ARAP1: variants seen among roughly 807,000 people sequenced by gnomAD.
The protein encoded by ARAP1 is arf-GAP with Rho-GAP domain, ANK repeat and PH domain-containing protein 1.
Under a neutral mutation model 172.2 loss-of-function variants are expected in ARAP1, and 76 were observed. The observed-to-expected ratio is 0.44, with a 90% confidence interval of 0.37 to 0.53. The LOEUF (loss-of-function observed/expected upper bound fraction) is 0.53, where lower values mean the gene tolerates loss of function less well. Ranked by LOEUF, ARAP1 falls within the 20% of genes least tolerant of loss-of-function variation. The pLI is 0.00. For missense variants in ARAP1, 1,686 were observed against 1,977.5 expected (o/e 0.85, Z 2.80); for synonymous variants, 804 against 803.3 (o/e 1.00, Z -0.01).
intron 18 of ARAP1, 38 bp from the exon 19 acceptor site, chr11:72,698,144 C>T (rs12575364): frequency 0.26 from 401,573 of 1,537,696 alleles, 53,507 homozygotes; most frequent in South Asian, 0.29. Context: ...CATCAGCCAA[C>T]GGCACTGCCT....
chr11:72,727,228 T>C (rs1857719643), intron 2 of ARAP1, 56 bp from the exon 3 acceptor site: 2 of 1,387,800 alleles, frequency 1.4e-6, no homozygotes, highest in Non-Finnish European at 1.9e-6. Context: ...ATTGGTCCCC[T>C]CACCAGCAGC....
intron 30 of ARAP1, among the ~76,000 whole-genome samples, chr11:72,691,534 G>C (rs1005508379): frequency 3.3e-5 from 5 of 152,240 alleles, no homozygotes; most frequent in Admixed American, 3.3e-4. Flanking sequence ...GGAGAGAAGA[G>C]ACGGTGTTTC....
chr11:72,713,120 C>A lies in ARAP1; in HGVS notation c.747+56G>T, dbSNP rs951329247. 7.0e-6 allele frequency: 11 copies of A among 1,569,558 alleles called. No homozygotes were observed. In the African/African-American group the frequency reaches 1.2e-4, roughly 17 times the overall value. On this transcript the variant is annotated intron_variant, in intron 5 of 34. Transcript: ENST00000393609. ...CTGGTAGTCCTCAGGGTCTGACAGG[C>A]AGCTGGGCACCCCCACAACACCCTG... is the stretch of plus-strand genomic sequence containing the variant.
Position 72,699,605 on chromosome 11 carries a change from A to G in ARAP1, c.2303-53T>C, listed in dbSNP as rs1856383363. 5.7e-6 allele frequency: 9 copies of G among 1,578,658 alleles called. No homozygotes were observed. Among genetic ancestry groups the G allele is most frequent in the Non-Finnish European group, 7.7e-6 (9 of 1,163,154 alleles). Reference sequence around the variant, plus strand: ...TCAGGGAGCCCCCCACCACCTGAAAACCACCTCTGCATCCTCCCGGGGCTC... The same window carrying G: ...TCAGGGAGCCCCCCACCACCTGAAAGCCACCTCTGCATCCTCCCGGGGCTC... On this transcript the variant is annotated intron_variant, in intron 16 of 34. Transcript: ENST00000393609. The surrounding 1 kb of genome is among the most constrained non-coding windows in gnomAD (Gnocchi z 4.2).
At chr11:72,744,297 A>C (rs1172396750) in intron 1 of ARAP1, among the ~76,000 whole-genome samples, 1 of 152,128 alleles carries the variant, frequency 6.6e-6, no homozygotes, top group African/African-American at 2.4e-5. Context: ...GACTGAACGA[A>C]CATTTCCCAA....
rs1855671752 is a variant in ARAP1, at chr11:72,686,105, G to A, written c.4272C>T (p.Pro1424=). 1 of 1,614,078 alleles carries A rather than the reference G, an allele frequency of 6.2e-7. No homozygotes were observed. The highest frequency in any genetic ancestry group is 8.5e-7 in the Non-Finnish European group (1 of 1,180,034). ...EVRLGSVSLI[P]LRGSENEMRR... ...GCATTTCATTTTCACTACCTCGAAG[G>A]GGGATCAGTGACACACTACCCAGCC... Residue 1424 remains proline, a synonymous_variant, in exon 34 of 35, where the codon CCC becomes CCT. Coordinates refer to ENST00000393609, the MANE Select transcript of ARAP1 (RefSeq NM_001040118.3).
At chr11:72,747,653 T>C (rs1858408395) in intron 1 of ARAP1, among the ~76,000 whole-genome samples, 1 of 152,218 alleles carries the variant, frequency 6.6e-6, no homozygotes, top group Non-Finnish European at 1.5e-5. Flanking sequence ...CACCACCTTC[T>C]ACTGGCCTTA....
chr11:72,685,727 G>A, intron 34 of ARAP1, 46 bp from the exon 35 acceptor site: 2 of 1,613,222 alleles, frequency 1.2e-6, no homozygotes, highest in Non-Finnish European at 1.7e-6. Context: ...AAGGCCCAGA[G>A]GGGCTGGCGC....
At chr11:72,740,806 C>CTCG (rs1196290789) in intron 1 of ARAP1, among the ~76,000 whole-genome samples, 1 of 152,178 alleles carries the variant, frequency 6.6e-6, no homozygotes, top group Non-Finnish European at 1.5e-5. Flanking sequence ...CATTAATAAA[C>CTCG]TCGAGACGCC....
Position 72,710,089 on chromosome 11 carries a change from G to A in ARAP1, c.1417-113C>T, listed in dbSNP as rs1856944637. 1.0e-6 allele frequency: 1 copy of A among 985,516 alleles called. No individual in the cohort carries two copies. The highest frequency in any genetic ancestry group is 1.9e-5 in the Admixed American group (1 of 52,962). 61.0% of individuals were successfully genotyped at this position (985,516 alleles called of 1,614,324 possible). On this transcript the variant is annotated intron_variant, in intron 10 of 34. Transcript: ENST00000393609. The surrounding 1 kb of genome is among the most constrained non-coding windows in gnomAD (Gnocchi z 4.3). ...ACTCAGGGACTGGGGGGGGTGCCCA[G>A]GAGGGAGACAGCAGGGGACATGGGA...
rs1351464208 is a variant in ARAP1 at position 72,709,915 on chromosome 11, A to C, written c.1478T>G (p.Val493Gly). 6.2e-7 allele frequency: 1 copy of C among 1,614,028 alleles called. No homozygotes were observed. The highest frequency in any genetic ancestry group is 1.3e-5 in the African/African-American group (1 of 74,898). ...GGTGAGGTCGAAGCTGCGCCGGTCCACTTCCTTCACGTTGCCCACGCTCAT... is the reference window on the plus strand; with the variant it reads ...GGTGAGGTCGAAGCTGCGCCGGTCCCCTTCCTTCACGTTGCCCACGCTCAT... ...IDMSVGNVKE[V>G]DRRSFDLTTP... The change falls in exon 11 of 35, where the codon GTG (valine) becomes GGG (glycine). Residue 493 changes from valine (V) to glycine (G), a missense_variant. Val to Gly is a moderately radical substitution (Grantham distance 109). Around this residue, in one of 5 missense-constraint regions of ARAP1, gnomAD observed 688 missense variants for 856.9 expected, o/e 0.80. Coordinates refer to ENST00000393609, the MANE Select transcript of ARAP1 (RefSeq NM_001040118.3).
chr11:72,711,050 C>T lies in ARAP1; in HGVS notation c.1184G>A (p.Arg395Gln), dbSNP rs752313641. ...ACTCTCTGCCCGGAAGGCAAAGGTT[C>T]GGTTGTTTGTGATCACTTCAAACTT... Reference protein sequence around the residue: ...DQKFEVITNNRTFAFRAESDV... With the variant: ...DQKFEVITNNQTFAFRAESDV... The change falls in exon 9 of 35, where the codon CGA becomes CAA. Residue 395 changes from arginine (R) to glutamine (Q), a missense_variant. Around this residue, in one of 5 missense-constraint regions of ARAP1, gnomAD observed 688 missense variants for 856.9 expected, o/e 0.80. Coordinates refer to ENST00000393609, the MANE Select transcript of ARAP1 (RefSeq NM_001040118.3). 5.6e-6 allele frequency: 9 copies of T among 1,614,102 alleles called. 1 individual carries two copies. The highest frequency in any genetic ancestry group is 3.3e-5 in the South Asian group (3 of 91,086).
intron 1 of ARAP1, among the ~76,000 whole-genome samples, chr11:72,750,585 T>C (rs1858503561): frequency 6.6e-6 from 1 of 152,134 alleles, no homozygotes. Context: ...GATAGGCCTA[T>C]TGCCCCAGCA....
chr11:72,686,954 T>C (rs1855716479), intron 33 of ARAP1, among the ~76,000 whole-genome samples: 1 of 152,248 alleles, frequency 6.6e-6, no homozygotes, highest in South Asian at 2.1e-4. Context: ...CCCTTTCCTG[T>C]GCTGACTTCC....
chr11:72,697,928 C>A lies in ARAP1; in HGVS notation c.2720G>T (p.Arg907Leu), dbSNP rs146380615. 6.2e-7 allele frequency: 1 copy of A among 1,604,762 alleles called. No homozygotes were observed. The highest frequency in any genetic ancestry group is 1.1e-5 in the South Asian group (1 of 90,228). The change falls in exon 19 of 35, where the codon CGG (arginine) becomes CTG (leucine). Residue 907 changes from arginine to leucine, a missense_variant. Physicochemically the swap from Arg to Leu is moderately radical, Grantham distance 102. Coordinates refer to ENST00000393609, the MANE Select transcript of ARAP1 (RefSeq NM_001040118.3). ...EGPCEEPLQL[R>L]KLQELSIQGD... ...CCACGCACAAAGCTCCTGCAGTTTC[C>A]GTAGTTGCAGCGGCTCTTCGCAGGG...
intron 18 of ARAP1, 79 bp from the exon 19 acceptor site, chr11:72,698,185 G>A: frequency 2.1e-6 from 3 of 1,434,484 alleles, no homozygotes; most frequent in Non-Finnish European, 1.9e-6. Flanking sequence ...TGGCTTACAG[G>A]CACATGCCCT....
chr11:72,721,198 G>A (rs1191919460), intron 3 of ARAP1, among the ~76,000 whole-genome samples: 1 of 152,170 alleles, frequency 6.6e-6, no homozygotes, highest in Non-Finnish European at 1.5e-5. Flanking sequence ...TTGGTTAGAG[G>A]TCTATGTCCC....
At position 72,704,161 on chromosome 11, in the gene ARAP1, C is replaced by T. The variant is rs1490994423; in HGVS notation, c.1983G>A (p.Glu661=). 6.2e-7 allele frequency: 1 copy of T among 1,614,010 alleles called. No individual in the cohort carries two copies. Among genetic ancestry groups the T allele is most frequent in the South Asian group, 1.1e-5 (1 of 91,094 alleles). ...GCTGCAGTGCCCTGACCTTGTCCAG[C>T]TCCTCCTGGTTGCCAAAGAGCGGGT... The part of the protein sequence containing the change: ...RYHPLFGNQE[E]LDKALCAAVT... The change falls in exon 14 of 35, where the codon GAG becomes GAA. Residue 661 remains glutamate (E), a synonymous_variant. Transcript: ENST00000393609.
Position 72,712,446 on chromosome 11 carries a change from G to T in ARAP1, c.870C>A (p.Gly290=). 6.3e-7 allele frequency: 1 copy of T among 1,580,464 alleles called. No homozygotes were observed. Residue 290 remains glycine, a synonymous_variant, in exon 6 of 35, where the codon GGC becomes GGA. Coordinates refer to ENST00000393609, the MANE Select transcript of ARAP1 (RefSeq NM_001040118.3). The part of the protein sequence containing the change: ...DEEEDDHAYE[G]VPNGGWHTSS... ...GGTGGCCGGACACTCACTTGGGGAC[G>T]CCCTCATAGGCGTGGTCATCCTCTT... is the stretch of plus-strand genomic sequence containing the variant.
Sources: allele counts gnomAD v4.1 joint callset (sites outside exome capture counted in the v4.1 genomes callset), GRCh38; gene constraint gnomAD v4.1.1; regional missense constraint gnomAD v4.1.1; non-coding constraint Gnocchi (gnomAD v3.1); transcripts MANE v1.5; gene names NCBI Gene and HGNC (gene_info 2026-07-23, HGNC 2026-07-21).